The following CLCN3 variants were observed in gnomAD, a reference collection of about 807,000 sequenced individuals.
The protein encoded by CLCN3 is H(+)/Cl(-) exchange transporter 3.
CLCN3 carries 16 observed loss-of-function variants against 83.4 expected under a neutral mutation model. That is an observed-to-expected ratio of 0.19 (90% CI 0.13 to 0.29). CLCN3 has a LOEUF of 0.29. Among genes scored for constraint, CLCN3 ranks in the 10% least tolerant of loss-of-function variants. The pLI, the probability that CLCN3 is intolerant of heterozygous loss-of-function variation, is 1.00. For missense variants in CLCN3, 544 were observed against 1,006.0 expected (o/e 0.54, Z 6.21); for synonymous variants, 322 against 346.2 (o/e 0.93, Z 0.78).
rs558639939 is a variant in CLCN3 at position 169,703,439 on chromosome 4, A to G, written c.1564-559A>G. On this transcript the variant is annotated intron_variant, in intron 9 of 12. Coordinates refer to ENST00000513761, the MANE Select transcript of CLCN3 (RefSeq NM_001829.4). ...CCGTCATTTGTAAATATATAGGAGG[A>G]CATAATCACATAATCTTGAAGTAAA... Among the ~76,000 whole-genome samples the G allele has an allele frequency of 2.0e-5, 3 of 152,376 alleles. No individual in the cohort carries two copies. In the South Asian group the frequency reaches 6.2e-4, roughly 32 times the overall value.
chr4:169,653,260 G>A (rs1730779024), intron 2 of CLCN3, among the ~76,000 whole-genome samples: 1 of 152,046 alleles, frequency 6.6e-6, no homozygotes, highest in South Asian at 2.1e-4. Flanking sequence ...ATGTGTTAGA[G>A]TGTATTCATT....
intron 2 of CLCN3, among the ~76,000 whole-genome samples, chr4:169,668,929 G>T (rs1372997906): frequency 6.6e-6 from 1 of 152,068 alleles, no homozygotes; most frequent in Admixed American, 6.6e-5. Context: ...AGTTTGATTG[G>T]TCTAACTTGG....
intron 12 of CLCN3, among the ~76,000 whole-genome samples, chr4:169,718,240 C>T (rs1362582477): frequency 6.6e-6 from 1 of 151,618 alleles, no homozygotes; most frequent in Non-Finnish European, 1.5e-5. Context: ...AATGTCTGAC[C>T]CATCCCCGCA....
At chr4:169,710,397 C>G (rs1357646970) in intron 11 of CLCN3, among the ~76,000 whole-genome samples, 3 of 152,132 alleles carry the variant, frequency 2.0e-5, no homozygotes, top group Non-Finnish European at 2.9e-5. Context: ...TCCTAATTAG[C>G]TAGGACTACA....
At chr4:169,651,033 G>A (rs1730717176) in intron 2 of CLCN3, among the ~76,000 whole-genome samples, 1 of 152,114 alleles carries the variant, frequency 6.6e-6, no homozygotes, top group Non-Finnish European at 1.5e-5. Flanking sequence ...AGCCTAAGAT[G>A]CCAGTGGAAA....
At chr4:169,636,877 A>G (rs1037883197) in intron 2 of CLCN3, among the ~76,000 whole-genome samples, 1 of 151,734 alleles carries the variant, frequency 6.6e-6, no homozygotes, top group Non-Finnish European at 1.5e-5. Context: ...TAGAATATGT[A>G]TATCTCAGCA....
chr4:169,657,962 A>G (rs1245927458), intron 2 of CLCN3, among the ~76,000 whole-genome samples: 1 of 152,138 alleles, frequency 6.6e-6, no homozygotes, highest in African/African-American at 2.4e-5. Flanking sequence ...GTGCTTTTCT[A>G]AATTGTGATT....
intron 6 of CLCN3, 111 bp from the exon 7 acceptor site, chr4:169,692,003 T>C: frequency 1.5e-6 from 1 of 682,952 alleles, no homozygotes; most frequent in Non-Finnish European, 2.5e-6. Flanking sequence ...TTCTGTAGAC[T>C]GCTAAAATTT....
intron 3 of CLCN3, among the ~76,000 whole-genome samples, chr4:169,687,255 C>T (rs1000245635): frequency 1.3e-5 from 2 of 151,788 alleles, no homozygotes; most frequent in African/African-American, 4.8e-5. Flanking sequence ...GTTTGTGGAC[C>T]CTTTGCACTC....
chr4:169,650,108 G>T (rs567442814), intron 2 of CLCN3, among the ~76,000 whole-genome samples: 2 of 152,088 alleles, frequency 1.3e-5, no homozygotes, highest in African/African-American at 2.4e-5. Context: ...AAAAATGAGT[G>T]GTGGAATTGT....
At chr4:169,695,189 A>G (rs1732519117) in intron 7 of CLCN3, among the ~76,000 whole-genome samples, 1 of 152,188 alleles carries the variant, frequency 6.6e-6, no homozygotes, top group Admixed American at 6.5e-5. Context: ...ATATCTTGCT[A>G]CGATTTGGAA....
chr4:169,640,623 C>T (rs1215850931), intron 2 of CLCN3, among the ~76,000 whole-genome samples: 2 of 152,072 alleles, frequency 1.3e-5, no homozygotes, highest in South Asian at 4.1e-4. Context: ...AATTCAGATT[C>T]CATGGAAAAT....
chr4:169,648,293 TATGA>T (rs1240743347), intron 2 of CLCN3, among the ~76,000 whole-genome samples: 2 of 152,226 alleles, frequency 1.3e-5, no homozygotes, highest in Admixed American at 1.3e-4. Context: ...TTGGGGAAAC[TATGA>T]ATGAGAGGTA....
intron 2 of CLCN3, among the ~76,000 whole-genome samples, chr4:169,656,443 A>C (rs902607459): frequency 1.3e-5 from 2 of 152,160 alleles, no homozygotes; most frequent in Admixed American, 1.3e-4. Flanking sequence ...GATAGCACCA[A>C]GTGGATGGTG....
chr4:169,645,449 AC>A (rs796510454), intron 2 of CLCN3, among the ~76,000 whole-genome samples: 2 of 152,328 alleles, frequency 1.3e-5, no homozygotes, highest in African/African-American at 4.8e-5. Flanking sequence ...TTTTCTTTAT[AC>A]TTTCAGTATT....
At chr4:169,668,043 A>ATTTTTTTTTT (rs60739106) in intron 2 of CLCN3, among the ~76,000 whole-genome samples, 10 of 82,334 alleles carry the variant, frequency 1.2e-4, no homozygotes, top group East Asian at 3.1e-4. Flanking sequence ...CCGGCCAGAC[A>ATTTTTTTTTT]TTTTTTTTTT....
At position 169,713,299 on chromosome 4, in the gene CLCN3, A is replaced by G; in HGVS notation, c.2366+4A>G. On this transcript the variant is annotated splice_donor_region_variant and intron_variant, in intron 12 of 12. Coordinates refer to ENST00000513761, the MANE Select transcript of CLCN3 (RefSeq NM_001829.4). ...AGTGCCTTGTAACTCACAATGGGTA[A>G]GTCTGGTACCACAGGAATCAGTTCA... is the stretch of plus-strand genomic sequence containing the variant. The G allele has an allele frequency of 1.2e-6, 2 of 1,600,862 alleles. No homozygotes were observed. The highest frequency in any genetic ancestry group is 1.7e-6 in the Non-Finnish European group (2 of 1,168,072).
At chr4:169,676,650 A>AT (rs557077180) in intron 2 of CLCN3, among the ~76,000 whole-genome samples, 2,610 of 128,210 alleles carry the variant, frequency 0.02, 51 homozygotes, top group East Asian at 0.086. Context: ...CATGCCCAGC[A>AT]TTTTTTTTTT....
intron 5 of CLCN3, among the ~76,000 whole-genome samples, chr4:169,690,111 A>G (rs189820161): frequency 2.7e-5 from 4 of 148,428 alleles, no homozygotes; most frequent in African/African-American, 9.9e-5. Context: ...AGACTTTTAC[A>G]CATTTTACTG....
Sources: gnomAD v4.1 joint callset for allele counts (sites outside exome capture counted in the v4.1 genomes callset) on GRCh38, gnomAD v4.1.1 for gene constraint, MANE v1.5 for transcripts, NCBI Gene and HGNC (gene_info 2026-07-23, HGNC 2026-07-21) for gene names.